AAK1: variants seen among roughly 807,000 people sequenced by gnomAD.
AAK1 encodes AP2 associated kinase 1.
AAK1 carries 37 observed loss-of-function variants against 116.0 expected under a neutral mutation model. The observed-to-expected ratio is 0.32, with a 90% CI of 0.25 to 0.42. The LOEUF is 0.42. Ranked by LOEUF, AAK1 falls within the 10% of genes least tolerant of loss-of-function variation. AAK1 has a pLI of 1.00. For missense variants in AAK1, 919 were observed against 1,170.6 expected, an observed-to-expected ratio of 0.79 and a Z score of 3.14; for synonymous variants, 458 against 439.9, an observed-to-expected ratio of 1.04 and a Z score of -0.51.
rs757051527 is a variant in AAK1 at position 69,519,015 on chromosome 2, G to A, written c.1436C>T (p.Pro479Leu). 13 of 1,549,432 alleles carry A rather than the reference G, an allele frequency of 8.4e-6. No homozygotes were observed. Among genetic ancestry groups the A allele is most frequent in the South Asian group, 7.1e-5 (6 of 83,990 alleles). Residue 479 changes from proline to leucine, a missense_variant, in exon 12 of 22, where the codon CCG (proline) becomes CTG (leucine). Physicochemically the swap from Pro to Leu is moderately conservative, Grantham distance 98 (BLOSUM62 -3). Transcript: ENST00000409085. ...GCCTGCCGGCTGCTGCTGTGCTGGC[G>A]GTGGCTGTTGCTGCTGCTGTTGCTG... Reference protein sequence around the residue: ...LKQQQQQQQPPPAQQQPAGTF... With the variant: ...LKQQQQQQQPLPAQQQPAGTF...
In AAK1 at chr2:69,530,044, T is replaced by C; in HGVS notation, c.835A>G (p.Asn279Asp). 1 of 1,604,654 alleles carries C rather than the reference T, an allele frequency of 6.2e-7. No homozygotes were observed. The highest frequency in any genetic ancestry group is 2.2e-5 in the East Asian group (1 of 44,608). The change falls in exon 8 of 22, where the codon AAT (asparagine) becomes GAT (aspartate). Residue 279 changes from asparagine (N) to aspartate (D), a missense_variant. Coordinates refer to ENST00000409085, the MANE Select transcript of AAK1 (RefSeq NM_014911.5). ...ICDGNFTIPD[N>D]SRYSQDMHCL... ...TGCATGTCTTGAGAATATCGAGAAT[T>C]ATCAGGAATTGTGAAGTTTCCATCA...
Position 69,472,716 on chromosome 2 carries a change from A to C in AAK1, c.*3153T>G. On this transcript the variant is annotated 3_prime_UTR_variant, in exon 22 of 22. Transcript: ENST00000409085. ...GTTACTCCTCTTACATAGCTGGAAT[A>C]AAAGCAAATCAGAAACATATGCTTA... The C allele has an allele frequency of 1.3e-5, 13 of 985,464 alleles. No homozygotes were observed. The highest frequency in any genetic ancestry group is 1.6e-5 in the Non-Finnish European group (13 of 829,926). 61.0% of individuals were successfully genotyped at this position (985,464 alleles called of 1,614,324 possible).
chr2:69,536,209 G>A (rs1225538851), intron 5 of AAK1, among the ~76,000 whole-genome samples: 1 of 152,180 alleles, frequency 6.6e-6, no homozygotes, highest in East Asian at 1.9e-4. Context: ...TGGCGAGGAA[G>A]GAGGAAGGAG....
chr2:69,536,032 C>T (rs2105035821), intron 5 of AAK1, among the ~76,000 whole-genome samples: 1 of 152,342 alleles, frequency 6.6e-6, no homozygotes, highest in Middle Eastern at 3.4e-3. Flanking sequence ...GCCTTATTGT[C>T]TCCCTTAATA....
In AAK1 at chr2:69,642,476, C is replaced by G. The variant is rs776994472; in HGVS notation, c.163+402G>C. 6.6e-5 allele frequency among the ~76,000 whole-genome samples: 10 copies of G among 152,036 alleles called. No homozygotes were observed. The South Asian group carries it at 1.0e-3, about 16-fold the overall frequency. On this transcript the variant is annotated intron_variant, in intron 2 of 21. Coordinates refer to ENST00000409085, the MANE Select transcript of AAK1 (RefSeq NM_014911.5). ...GAAAGTTGGGTAGGAGAAGGAGAAA[C>G]CCCTCTCTTCTTAAAAGTCCCCCCA... is the stretch of plus-strand genomic sequence containing the variant.
intron 2 of AAK1, among the ~76,000 whole-genome samples, chr2:69,626,599 A>C (rs1674911614): frequency 6.6e-6 from 1 of 151,288 alleles, no homozygotes; most frequent in Non-Finnish European, 1.5e-5. Flanking sequence ...TCCCAGGCTC[A>C]AGCGATCTTC....
chr2:69,624,083 G>C (rs1250242128), intron 2 of AAK1, among the ~76,000 whole-genome samples: 3 of 152,084 alleles, frequency 2.0e-5, no homozygotes, highest in Non-Finnish European at 4.4e-5. Flanking sequence ...GGAGCTAGAG[G>C]AGAAAGGGAG....
At chr2:69,543,400 A>G (rs990328240) in intron 4 of AAK1, among the ~76,000 whole-genome samples, 2 of 152,096 alleles carry the variant, frequency 1.3e-5, no homozygotes, top group African/African-American at 4.8e-5. Context: ...AACATATTTA[A>G]TTTATGGATA....
intron 2 of AAK1, among the ~76,000 whole-genome samples, chr2:69,622,499 G>C (rs1032712751): frequency 5.3e-5 from 8 of 152,232 alleles, no homozygotes; most frequent in African/African-American, 1.9e-4. Flanking sequence ...AGCCAGCTGG[G>C]CTCCCGAGTC....
intron 2 of AAK1, among the ~76,000 whole-genome samples, chr2:69,603,912 G>C (rs185519340): frequency 7.2e-5 from 11 of 152,342 alleles, no homozygotes; most frequent in Admixed American, 7.2e-4. Context: ...CTGATGCACT[G>C]ATGCTGTTTT....
At chr2:69,495,179 A>C (rs777632669) in intron 17 of AAK1, among the ~76,000 whole-genome samples, 9 of 152,152 alleles carry the variant, frequency 5.9e-5, no homozygotes, top group Non-Finnish European at 1.3e-4. Flanking sequence ...CAGATAAGAG[A>C]AAGGGCGGCT....
At chr2:69,515,581 G>T (rs776229307) in intron 12 of AAK1, among the ~76,000 whole-genome samples, 1 of 151,924 alleles carries the variant, frequency 6.6e-6, no homozygotes, top group Non-Finnish European at 1.5e-5. Flanking sequence ...CTCCCGCTTC[G>T]GCCTCTGAAG....
In AAK1 at chr2:69,542,845, A is replaced by G. The variant is rs147803329; in HGVS notation, c.392-180T>C. Among the ~76,000 whole-genome samples the G allele has an allele frequency of 8.3e-3, 1,262 of 152,322 alleles. 19 individuals are homozygous for G. Among genetic ancestry groups the G allele is most frequent in the African/African-American group, 0.029 (1,186 of 41,578 alleles). On this transcript the variant is annotated intron_variant, in intron 4 of 21. Coordinates refer to ENST00000409085, the MANE Select transcript of AAK1 (RefSeq NM_014911.5). Reference sequence around the variant, plus strand: ...CTCCCAGCTTGGGATTTGTTTTCTTATAATTCAGTGTCTCCTCTAATGCAT... The same window carrying G: ...CTCCCAGCTTGGGATTTGTTTTCTTGTAATTCAGTGTCTCCTCTAATGCAT...
intron 12 of AAK1, among the ~76,000 whole-genome samples, chr2:69,515,341 A>C (rs1271865416): frequency 6.6e-6 from 1 of 152,074 alleles, no homozygotes; most frequent in Non-Finnish European, 1.5e-5. Context: ...TGTTTGTTTG[A>C]GATAGTGTCT....
Position 69,470,436 on chromosome 2 carries a change from T to A in AAK1, c.*5433A>T, listed in dbSNP as rs1674637983. On this transcript the variant is annotated 3_prime_UTR_variant, in exon 22 of 22. Coordinates refer to ENST00000409085, the MANE Select transcript of AAK1 (RefSeq NM_014911.5). Reference sequence around the variant, plus strand: ...CACATAACAAAATTAAGCATTTGGTTCCACCATATATTAGGTAGCTGCATT... The same window carrying A: ...CACATAACAAAATTAAGCATTTGGTACCACCATATATTAGGTAGCTGCATT... The A allele has an allele frequency of 1.0e-5, 10 of 985,278 alleles. No homozygotes were observed. The highest frequency in any genetic ancestry group is 1.2e-5 in the Non-Finnish European group (10 of 829,944). 61.0% of individuals were successfully genotyped at this position (985,278 alleles called of 1,614,324 possible). A position where few individuals can be genotyped will look rare whatever the true frequency, so the allele number is the denominator to read the frequency against.
intron 2 of AAK1, chr2:69,598,024 CAA>C: frequency 2.5e-6 from 1 of 394,944 alleles, no homozygotes; most frequent in Non-Finnish European, 4.3e-6. Context: ...AAAGGGAAGA[CAA>C]AATGTTAGCA....
chr2:69,470,772 G>C lies in AAK1; in HGVS notation c.*5097C>G. 11 of 985,712 alleles carry C rather than the reference G, an allele frequency of 1.1e-5. No homozygotes were observed. Among genetic ancestry groups the C allele is most frequent in the Non-Finnish European group, 1.3e-5 (11 of 829,916 alleles). The allele number at this position is 985,712 out of a possible 1,614,324, so 61.1% of individuals were successfully genotyped here. On this transcript the variant is annotated 3_prime_UTR_variant, in exon 22 of 22. Transcript: ENST00000409085. The stretch of plus-strand genomic sequence containing the variant: ...TCAGGTAGCCATGATTCATTAATAT[G>C]TCCTCAGTGTGTAGCTATACTTTTC...
At position 69,469,721 on chromosome 2, in the gene AAK1, C is replaced by T; in HGVS notation, c.*6148G>A. On this transcript the variant is annotated 3_prime_UTR_variant, in exon 22 of 22. Coordinates refer to ENST00000409085, the MANE Select transcript of AAK1 (RefSeq NM_014911.5). ...TAACGTAGGGTTTTGTTATAATTCC[C>T]TCAAACTGGATCATGCCTCTTTTTA... is the stretch of plus-strand genomic sequence containing the variant. 1.0e-6 allele frequency: 1 copy of T among 985,416 alleles called. No individual in the cohort carries two copies. Among genetic ancestry groups the T allele is most frequent in the Non-Finnish European group, 1.2e-6 (1 of 829,946 alleles). The allele number at this position is 985,416 out of a possible 1,614,324, so 61.0% of individuals were successfully genotyped here. A position where few individuals can be genotyped will look rare whatever the true frequency, so the allele number is the denominator to read the frequency against.
chr2:69,641,866 T>C (rs1675740423), intron 2 of AAK1, among the ~76,000 whole-genome samples: 1 of 152,092 alleles, frequency 6.6e-6, no homozygotes, highest in South Asian at 2.1e-4. Flanking sequence ...TTCCAACCCC[T>C]CTCGGTCTAT....
Sources: allele counts gnomAD v4.1 joint callset (sites outside exome capture counted in the v4.1 genomes callset), GRCh38; gene constraint gnomAD v4.1.1; transcripts MANE v1.5; gene names NCBI Gene and HGNC (gene_info 2026-07-23, HGNC 2026-07-21).